Variants in AFF2 observed in about 807,000 individuals in gnomAD.
AFF2 encodes AF4/FMR2 family member 2.
AFF2 carries 14 observed loss-of-function variants against 76.9 expected under a neutral mutation model. That is an observed-to-expected ratio of 0.18 (90% confidence interval 0.12 to 0.28). The LOEUF (loss-of-function observed/expected upper bound fraction) is 0.28. Ranked by LOEUF, AFF2 falls within the 10% of genes least tolerant of loss-of-function variation. The pLI is 1.00. For missense variants in AFF2, 868 were observed against 1,001.1 expected (o/e 0.87, Z 1.79); for synonymous variants, 398 against 366.7 (o/e 1.09, Z -0.98).
intron 8 of AFF2, among the ~76,000 whole-genome samples, chrX:148,888,367 A>G (rs1294740502): frequency 8.9e-6 from 1 of 112,233 alleles, no homozygotes; most frequent in Non-Finnish European, 1.9e-5. Context: ...TTTATGGCTA[A>G]GTAGCATTCC....
At chrX:148,935,875 T>TC (rs1225220771) in intron 9 of AFF2, among the ~76,000 whole-genome samples, 1 of 109,173 alleles carries the variant, frequency 9.2e-6, no homozygotes, top group Admixed American at 9.8e-5. Flanking sequence ...ACTTTAGGTT[T>TC]TTTTTTTTTT....
chrX:148,621,531 G>A lies in AFF2; in HGVS notation c.48-30468G>A, dbSNP rs908463246. On this transcript the variant is annotated intron_variant, in intron 1 of 20. Coordinates refer to ENST00000370460, the MANE Select transcript of AFF2 (RefSeq NM_002025.4). Reference sequence around the variant, plus strand: ...GAGTTTTTATAGAAACAGTAAGTCTGTTTTTCACTCATATTTAGTCAGTTT... The same window carrying A: ...GAGTTTTTATAGAAACAGTAAGTCTATTTTTCACTCATATTTAGTCAGTTT... Among the ~76,000 whole-genome samples the A allele has an allele frequency of 7.2e-5, 8 of 111,190 alleles. No individual in the cohort carries two copies. The East Asian group carries it at 2.3e-3, about 32-fold the overall frequency.
intron 3 of AFF2, among the ~76,000 whole-genome samples, chrX:148,753,332 C>T (rs782510101): frequency 2.1e-4 from 23 of 111,773 alleles, no homozygotes; most frequent in Non-Finnish European, 2.4e-4. Context: ...TCTGATAGTT[C>T]TGCAGCTATT....
chrX:148,623,600 A>AATATATAT (rs782158598), intron 1 of AFF2, among the ~76,000 whole-genome samples: 1,101 of 101,429 alleles, frequency 0.011, 10 homozygotes, highest in African/African-American at 0.026. Flanking sequence ...CAAACATTTG[A>AATATATAT]ATATATATAT....
chrX:148,736,147 T>C (rs2055282162), intron 3 of AFF2, among the ~76,000 whole-genome samples: 1 of 112,344 alleles, frequency 8.9e-6, no homozygotes, highest in Admixed American at 9.4e-5. Flanking sequence ...GTGGGATTGC[T>C]GGATCAAATG....
chrX:148,573,055 A>G (rs1557242781), intron 1 of AFF2, among the ~76,000 whole-genome samples: 1 of 111,407 alleles, frequency 9.0e-6, no homozygotes, highest in Non-Finnish European at 1.9e-5. Context: ...TATCATTGGC[A>G]TTTAGAATTG....
intron 3 of AFF2, among the ~76,000 whole-genome samples, chrX:148,739,377 T>A (rs2055322885): frequency 8.9e-6 from 1 of 112,350 alleles, no homozygotes. Context: ...AATGTCCCTC[T>A]CTGTCTCTTT....
In AFF2 at chrX:148,993,295, TGAAA is replaced by T. The variant is rs1259327172; in HGVS notation, c.*1967_*1970del. The T allele has an allele frequency of 8.9e-5, 10 of 112,772 alleles. No homozygotes were observed. Among genetic ancestry groups the T allele is most frequent in the Non-Finnish European group, 1.3e-4 (7 of 53,311 alleles). 9.3% of individuals were successfully genotyped at this position (112,772 alleles called of 1,213,427 possible). On this transcript the variant is annotated 3_prime_UTR_variant, in exon 21 of 21. Coordinates refer to ENST00000370460, the MANE Select transcript of AFF2 (RefSeq NM_002025.4). Reference sequence around the variant, plus strand: ...CATCCAAACACTCACAAATGAAACCTGAAAGAATCTTTTCTGAGCCTCTTAAAAG... The same window carrying T: ...CATCCAAACACTCACAAATGAAACCTGAATCTTTTCTGAGCCTCTTAAAAG...
chrX:148,927,523 G>A (rs994239634), intron 9 of AFF2, among the ~76,000 whole-genome samples: 8 of 109,872 alleles, frequency 7.3e-5, no homozygotes, highest in African/African-American at 2.7e-4. Context: ...ACCCACCAGG[G>A]CTCAAACTCC....
intron 2 of AFF2, among the ~76,000 whole-genome samples, chrX:148,655,285 CT>C (rs781858368): frequency 2.0e-5 from 2 of 102,215 alleles, no homozygotes; most frequent in Non-Finnish European, 2.0e-5. Flanking sequence ...AAACCTTGTC[CT>C]TTTTTTTTTT....
chrX:148,781,977 G>A (rs1018822692), intron 3 of AFF2, among the ~76,000 whole-genome samples: 3 of 110,930 alleles, frequency 2.7e-5, no homozygotes, highest in Middle Eastern at 9.3e-3. Flanking sequence ...ATGAGGCGAC[G>A]CCCCATCCTG....
At position 149,000,610 on chromosome X, in the gene AFF2, G is replaced by A. The variant is rs2072664558; in HGVS notation, c.*9278G>A. The A allele has an allele frequency of 8.9e-6, 1 of 112,660 alleles. No individual in the cohort carries two copies. Among genetic ancestry groups the A allele is most frequent in the Admixed American group, 9.4e-5 (1 of 10,651 alleles). 9.3% of individuals were successfully genotyped at this position (112,660 alleles called of 1,213,427 possible). A position where few individuals can be genotyped will look rare whatever the true frequency, so the allele number is the denominator to read the frequency against. ...CTCTCATAGAGGCATTAACTATACTGCCAATGCATTGAATTATTTAAAAAT... is the reference window on the plus strand; with the variant it reads ...CTCTCATAGAGGCATTAACTATACTACCAATGCATTGAATTATTTAAAAAT... On this transcript the variant is annotated 3_prime_UTR_variant, in exon 21 of 21. Transcript: ENST00000370460.
At chrX:148,708,734 C>G (rs1435081825) in intron 3 of AFF2, among the ~76,000 whole-genome samples, 4 of 112,211 alleles carry the variant, frequency 3.6e-5, no homozygotes, top group African/African-American at 1.3e-4. Context: ...CAAAACAAAA[C>G]AAAATTAGAC....
At chrX:148,818,702 G>A (rs1377285539) in intron 4 of AFF2, among the ~76,000 whole-genome samples, 1 of 111,151 alleles carries the variant, frequency 9.0e-6, no homozygotes, top group Non-Finnish European at 1.9e-5. Flanking sequence ...GAGAATGAAA[G>A]AGTAATTGAA....
chrX:148,769,185 T>C (rs2069555251), intron 3 of AFF2, among the ~76,000 whole-genome samples: 1 of 111,430 alleles, frequency 9.0e-6, no homozygotes, highest in South Asian at 3.8e-4. Context: ...ATAAGACAAG[T>C]ACATTAGAAT....
rs59057839 is a variant in AFF2 at position 148,975,943 on chromosome X, C to CAAA, written c.3405-1971_3405-1969dup. Among the ~76,000 whole-genome samples, 209 of 22,457 alleles carry CAAA rather than the reference C, an allele frequency of 9.3e-3. 12 individuals are homozygous for CAAA. The highest frequency in any genetic ancestry group is 0.017 in the African/African-American group (178 of 10,686). The allele number at this position is 22,457 out of a possible 115,157, so 19.5% of individuals were successfully genotyped here. A position where few individuals can be genotyped will look rare whatever the true frequency, so the allele number is the denominator to read the frequency against. On this transcript the variant is annotated intron_variant, in intron 16 of 20. Transcript: ENST00000370460. ...TGGGCGACAGAGCGAGACTCCGTCT[C>CAAA]AAAAAAAAAAAAAAAAAAAAATATG... is the stretch of plus-strand genomic sequence containing the variant.
chrX:148,720,699 C>T (rs1401742406), intron 3 of AFF2, among the ~76,000 whole-genome samples: 8 of 111,635 alleles, frequency 7.2e-5, no homozygotes, highest in African/African-American at 2.3e-4. Flanking sequence ...AGATATTTGT[C>T]ATGCTATTCT....
intron 12 of AFF2, 73 bp from the exon 13 acceptor site, chrX:148,962,642 C>G: frequency 1.1e-6 from 1 of 905,305 alleles, no homozygotes; most frequent in Non-Finnish European, 1.6e-6. Context: ...GCTTACAGTA[C>G]TAGCATCATG....
chrX:148,706,550 T>G (rs1235387409), intron 3 of AFF2, among the ~76,000 whole-genome samples: 3 of 112,627 alleles, frequency 2.7e-5, no homozygotes, highest in African/African-American at 9.7e-5. Flanking sequence ...CAGATACATT[T>G]AAGTACCTGT....
Sources: allele counts gnomAD v4.1 joint callset (sites outside exome capture counted in the v4.1 genomes callset), GRCh38; gene constraint gnomAD v4.1.1; transcripts MANE v1.5; gene names NCBI Gene and HGNC (gene_info 2026-07-23, HGNC 2026-07-21).